The following PIAS2 variants were observed in gnomAD, a reference collection of about 807,000 sequenced individuals.
PIAS2 encodes protein inhibitor of activated STAT 2.
Under a neutral mutation model 69.7 loss-of-function variants are expected in PIAS2, and 19 were observed. That is an observed-to-expected ratio of 0.27 (90% CI 0.19 to 0.40). PIAS2 has a LOEUF of 0.40. PIAS2 is among the 10% of genes least tolerant of loss of function. The probability of loss-of-function intolerance (pLI) is 1.00; values close to 1 mark genes in which losing one functional copy is unlikely to be tolerated. For synonymous variants in PIAS2, 261 were observed against 263.2 expected (o/e 0.99, Z 0.08); for missense variants, 624 against 757.0 (o/e 0.82, Z 2.06).
intron 2 of PIAS2, among the ~76,000 whole-genome samples, chr18:46,878,501 A>G (rs2051625690): frequency 6.6e-6 from 1 of 152,192 alleles, no homozygotes; most frequent in Admixed American, 6.5e-5. Context: ...AAAACCTGCC[A>G]AGTCATCCCC....
chr18:46,900,035 G>C (rs72915064), intron 1 of PIAS2, among the ~76,000 whole-genome samples: 1,569 of 152,298 alleles, frequency 0.01, 12 homozygotes, highest in Non-Finnish European at 0.017. Flanking sequence ...TTTGAGATCA[G>C]TCTGGTCAAC....
intron 2 of PIAS2, among the ~76,000 whole-genome samples, chr18:46,884,605 C>A (rs976091923): frequency 1.3e-5 from 2 of 152,104 alleles, no homozygotes; most frequent in African/African-American, 2.4e-5. Context: ...AGCCACCGCA[C>A]CTGGCCTCAT....
chr18:46,818,599 T>A, intron 12 of PIAS2: 1 of 605,954 alleles, frequency 1.7e-6, no homozygotes, highest in Non-Finnish European at 2.4e-6. Context: ...ACAGTATGAC[T>A]AACTACATAA....
intron 12 of PIAS2, chr18:46,816,929 A>G (rs2144742853): frequency 1.1e-6 from 1 of 934,186 alleles, no homozygotes; most frequent in South Asian, 4.9e-5. Context: ...CTTCATATTA[A>G]TAATATTCAA....
intron 2 of PIAS2, among the ~76,000 whole-genome samples, 163 bp downstream of exon 2, chr18:46,890,417 T>C (rs1001712219): frequency 6.6e-6 from 1 of 152,250 alleles, no homozygotes; most frequent in Admixed American, 6.5e-5. Context: ...AAAGCTTCTA[T>C]TAGATTTCAG....
rs1421573967 is a variant in PIAS2 at position 46,807,086 on chromosome 18, G to A, written c.*5347C>T. On this transcript the variant is annotated 3_prime_UTR_variant, in exon 14 of 14. Coordinates refer to ENST00000585916, the MANE Select transcript of PIAS2 (RefSeq NM_004671.5). ...TAGCCTTACCACTTTTCAGTTTGGG[G>A]ATGGAATGCCTTTGGCTCAGTAGAT... is the stretch of plus-strand genomic sequence containing the variant. The A allele has an allele frequency of 6.6e-6, 1 of 151,632 alleles. No individual in the cohort carries two copies. Among genetic ancestry groups the A allele is most frequent in the East Asian group, 1.9e-4 (1 of 5,132 alleles). The allele number at this position is 151,632 out of a possible 1,614,324, so 9.4% of individuals were successfully genotyped here.
intron 8 of PIAS2, among the ~76,000 whole-genome samples, chr18:46,842,320 T>C (rs2045538301): frequency 6.6e-6 from 1 of 150,978 alleles, no homozygotes. Flanking sequence ...AATCTGTTAG[T>C]ATGTTTGGCC....
chr18:46,883,675 C>CA (rs1040251471), intron 2 of PIAS2, among the ~76,000 whole-genome samples: 8 of 151,872 alleles, frequency 5.3e-5, no homozygotes, highest in Non-Finnish European at 1.0e-4. Context: ...CTCATATCTA[C>CA]AAAAAAATAC....
In PIAS2 at chr18:46,806,462, A is replaced by C. The variant is rs2144657111; in HGVS notation, c.*5971T>G. The C allele has an allele frequency of 6.9e-6, 1 of 144,870 alleles. No individual in the cohort carries two copies. Among genetic ancestry groups the C allele is most frequent in the East Asian group, 2.1e-4 (1 of 4,830 alleles). The allele number at this position is 144,870 out of a possible 1,614,324, so 9.0% of individuals were successfully genotyped here. A position where few individuals can be genotyped will look rare whatever the true frequency, so the allele number is the denominator to read the frequency against. On this transcript the variant is annotated 3_prime_UTR_variant, in exon 14 of 14. Coordinates refer to ENST00000585916, the MANE Select transcript of PIAS2 (RefSeq NM_004671.5). ...AACCTCCGCCTCTCAGGTTCAAGCA[A>C]TTCTCATCCCTCAGCCTCCCAAGTA...
At chr18:46,838,169 A>T (rs946730244) in intron 8 of PIAS2, among the ~76,000 whole-genome samples, 1 of 152,202 alleles carries the variant, frequency 6.6e-6, no homozygotes, top group African/African-American at 2.4e-5. Context: ...GTAATGTGGT[A>T]ATTTAAAAAG....
At chr18:46,834,375 GA>G (rs2044127087) in intron 9 of PIAS2, among the ~76,000 whole-genome samples, 1 of 152,066 alleles carries the variant, frequency 6.6e-6, no homozygotes, top group Admixed American at 6.5e-5. Flanking sequence ...TGTGGACAGA[GA>G]AATTAATATC....
At chr18:46,856,301 A>G (rs1206365529) in intron 3 of PIAS2, among the ~76,000 whole-genome samples, 1 of 151,150 alleles carries the variant, frequency 6.6e-6, no homozygotes, top group Admixed American at 6.6e-5. Flanking sequence ...CACCTGGCCA[A>G]AGACTTTTCT....
intron 12 of PIAS2, chr18:46,818,157 C>T (rs2041768163): frequency 5.4e-6 from 6 of 1,115,744 alleles, no homozygotes; most frequent in Non-Finnish European, 6.6e-6. Flanking sequence ...TCATTGATGA[C>T]AACACATTTT....
At chr18:46,895,336 C>A (rs1476166660) in intron 1 of PIAS2, among the ~76,000 whole-genome samples, 6 of 152,088 alleles carry the variant, frequency 3.9e-5, no homozygotes, top group African/African-American at 1.4e-4. Flanking sequence ...AACTGACAAA[C>A]TGCATTATTA....
chr18:46,839,377 T>C (rs997279547), intron 8 of PIAS2, among the ~76,000 whole-genome samples: 5 of 152,200 alleles, frequency 3.3e-5, no homozygotes, highest in African/African-American at 1.2e-4. Context: ...AAATCTATCA[T>C]GCTACTAGTA....
At chr18:46,869,657 T>C (rs569561628) in intron 2 of PIAS2, among the ~76,000 whole-genome samples, 9 of 152,142 alleles carry the variant, frequency 5.9e-5, no homozygotes, top group Non-Finnish European at 1.0e-4. Context: ...TTAGGTCTCA[T>C]GTTAACATAC....
chr18:46,864,255 AG>A lies in PIAS2; in HGVS notation c.500-8del. ...CGCTGAATACTGCTTTGAACTGGGA[AG>A]AAAAAAAAAAAGAAAGATAATATTT... On this transcript the variant is annotated splice_polypyrimidine_tract_variant and splice_region_variant and intron_variant, in intron 2 of 13. Coordinates refer to ENST00000585916, the MANE Select transcript of PIAS2 (RefSeq NM_004671.5). The A allele has an allele frequency of 1.3e-6, 2 of 1,544,764 alleles. No individual in the cohort carries two copies. Among genetic ancestry groups the A allele is most frequent in the East Asian group, 2.3e-5 (1 of 44,410 alleles).
chr18:46,823,626 T>C (rs895483187), intron 11 of PIAS2, among the ~76,000 whole-genome samples: 4 of 152,186 alleles, frequency 2.6e-5, no homozygotes, highest in African/African-American at 9.6e-5. Context: ...AGGTTGACTG[T>C]CAAAACATGT....
chr18:46,852,969 G>C (rs1173909720), intron 5 of PIAS2: 1 of 152,396 alleles, frequency 6.6e-6, no homozygotes, highest in Non-Finnish European at 1.5e-5. Context: ...ATAGCAATGA[G>C]AGTCAAAGGT....
Sources: allele counts gnomAD v4.1 joint callset (sites outside exome capture counted in the v4.1 genomes callset), GRCh38; gene constraint gnomAD v4.1.1; transcripts MANE v1.5; gene names NCBI Gene and HGNC (gene_info 2026-07-23, HGNC 2026-07-21).